Variants in PRUNE2 observed in about 807,000 individuals in gnomAD.
The protein encoded by PRUNE2 is prune homolog 2 with BCH domain.
PRUNE2 carries 164 observed loss-of-function variants against 252.0 expected under a neutral mutation model. The observed-to-expected ratio is 0.65, with a 90% CI of 0.57 to 0.74. The LOEUF (loss-of-function observed/expected upper bound fraction) is 0.74, where lower values mean the gene tolerates loss of function less well. Among genes scored for constraint, PRUNE2 ranks in the 30% least tolerant of loss-of-function variants. The pLI, the probability that PRUNE2 is intolerant of heterozygous loss-of-function variation, is 0.00. For synonymous variants in PRUNE2, 1,292 were observed against 1,350.2 expected (o/e 0.96, Z 0.94); for missense variants, 3,495 against 3,711.0 (o/e 0.94, Z 1.51).
At chr9:76,723,329 C>T (rs1415552756) in intron 6 of PRUNE2, among the ~76,000 whole-genome samples, 3 of 152,152 alleles carry the variant, frequency 2.0e-5, no homozygotes, top group African/African-American at 7.2e-5. Context: ...GCTCTGGTAG[C>T]TTAGACACAC....
chr9:76,823,454 T>C (rs2058151426), intron 6 of PRUNE2, 178 bp downstream of exon 6: 1 of 553,788 alleles, frequency 1.8e-6, no homozygotes, highest in Non-Finnish European at 3.3e-6. Flanking sequence ...GCATTTTTCA[T>C]TGACTTAGCA....
chr9:76,705,342 G>A lies in PRUNE2; in HGVS notation c.6932C>T (p.Thr2311Ile), dbSNP rs989230681. The A allele has an allele frequency of 1.2e-6, 2 of 1,614,044 alleles. No homozygotes were observed. The highest frequency in any genetic ancestry group is 1.7e-6 in the Non-Finnish European group (2 of 1,179,882). Residue 2311 changes from threonine to isoleucine, a missense_variant, in exon 8 of 19, where the codon ACA becomes ATA. Transcript: ENST00000376718. ...CATGTCATCTATTGTTCCCGTGGAT[G>A]TGTTGAGACCTGAGGCATCGCTGAA... ...HSFSDASGLN[T>I]STGTIDDMSK...
chr9:76,789,093 T>C (rs1469296899), intron 6 of PRUNE2, among the ~76,000 whole-genome samples: 1 of 152,228 alleles, frequency 6.6e-6, no homozygotes, highest in Non-Finnish European at 1.5e-5. Context: ...TAGATATGTT[T>C]ACATTTTTGT....
In PRUNE2 at chr9:76,809,140, C is replaced by T. The variant is rs2057181561; in HGVS notation, c.756+14492G>A. ...ACATTTAGTTTCAACATCATCTTCT[C>T]AAGGGAGCACTTTCTGATCTACCTC... On this transcript the variant is annotated intron_variant, in intron 6 of 18. Coordinates refer to ENST00000376718, the MANE Select transcript of PRUNE2 (RefSeq NM_015225.3). Among the ~76,000 whole-genome samples the T allele has an allele frequency of 2.0e-5, 3 of 152,168 alleles. No homozygotes were observed. In the South Asian group the frequency reaches 6.2e-4, roughly 32 times the overall value.
intron 1 of PRUNE2, among the ~76,000 whole-genome samples, chr9:76,866,811 G>A (rs750993595): frequency 1.8e-4 from 28 of 152,028 alleles, no homozygotes; most frequent in Non-Finnish European, 4.0e-4. Flanking sequence ...GAAGGAAGAG[G>A]AAGAGAGGGA....
At chr9:76,800,545 T>C (rs147186452) in intron 6 of PRUNE2, among the ~76,000 whole-genome samples, 1 of 152,382 alleles carries the variant, frequency 6.6e-6, no homozygotes, top group East Asian at 1.9e-4. Flanking sequence ...TTTCCAACTC[T>C]TCTTTTTCAC....
intron 9 of PRUNE2, among the ~76,000 whole-genome samples, chr9:76,697,307 G>GCT (rs1357210309): frequency 1.3e-5 from 2 of 152,138 alleles, no homozygotes; most frequent in Non-Finnish European, 2.9e-5. Context: ...GGCACTTGTG[G>GCT]CTCTCTCTGG....
chr9:76,841,786 C>T (rs1381405035), intron 4 of PRUNE2, among the ~76,000 whole-genome samples: 2 of 152,166 alleles, frequency 1.3e-5, no homozygotes, highest in Non-Finnish European at 2.9e-5. Context: ...CAAAGAAAGG[C>T]AGCAACCCCA....
At chr9:76,834,910 T>C (rs532548566) in intron 4 of PRUNE2, among the ~76,000 whole-genome samples, 1 of 152,164 alleles carries the variant, frequency 6.6e-6, no homozygotes, top group Non-Finnish European at 1.5e-5. Flanking sequence ...TCTCAGCAAA[T>C]TGAAACCTAT....
At chr9:76,800,176 T>A (rs899735056) in intron 6 of PRUNE2, among the ~76,000 whole-genome samples, 3 of 152,172 alleles carry the variant, frequency 2.0e-5, no homozygotes, top group Non-Finnish European at 2.9e-5. Context: ...CATTAGGTAT[T>A]TCTCCTAATG....
rs57638713 is a variant in PRUNE2, at chr9:76,712,548, T to A, written c.915+1015A>T. Reference sequence around the variant, plus strand: ...AACTCAAGAGCTTTTAACTCCTTCATCTGCTCTTCTACTTTTGTCTGTTTC... The same window carrying A: ...AACTCAAGAGCTTTTAACTCCTTCAACTGCTCTTCTACTTTTGTCTGTTTC... On this transcript the variant is annotated intron_variant, in intron 7 of 18. Coordinates refer to ENST00000376718, the MANE Select transcript of PRUNE2 (RefSeq NM_015225.3). Among the ~76,000 whole-genome samples, 494 of 152,352 alleles carry A rather than the reference T, an allele frequency of 3.2e-3. 2 individuals carry two copies. Among genetic ancestry groups the A allele is most frequent in the African/African-American group, 0.011 (474 of 41,578 alleles).
intron 1 of PRUNE2, among the ~76,000 whole-genome samples, chr9:76,856,784 C>T (rs191788738): frequency 1.4e-4 from 21 of 151,724 alleles, no homozygotes; most frequent in Admixed American, 1.2e-3. Flanking sequence ...GATGGAGTCT[C>T]GCTCTGTCAC....
At chr9:76,633,639 C>T (rs779693826) in intron 15 of PRUNE2, among the ~76,000 whole-genome samples, 20 of 151,792 alleles carry the variant, frequency 1.3e-4, no homozygotes, top group Non-Finnish European at 2.1e-4. Flanking sequence ...ATGTTTCCTA[C>T]GGCTGCTTTT....
intron 1 of PRUNE2, among the ~76,000 whole-genome samples, chr9:76,879,049 C>G (rs1214751891): frequency 6.6e-6 from 1 of 152,202 alleles, no homozygotes; most frequent in East Asian, 1.9e-4. Flanking sequence ...GTCAGGAAGC[C>G]TGTGCATAGG....
At chr9:76,888,232 T>C (rs555297247) in intron 1 of PRUNE2, among the ~76,000 whole-genome samples, 63 of 152,236 alleles carry the variant, frequency 4.1e-4, no homozygotes, top group African/African-American at 1.5e-3. Context: ...GGCCATCCAG[T>C]CACAAGGACT....
chr9:76,707,236 C>A lies in PRUNE2; in HGVS notation c.5038G>T (p.Val1680Phe). 5.0e-6 allele frequency: 8 copies of A among 1,613,944 alleles called. No homozygotes were observed. The highest frequency in any genetic ancestry group is 6.8e-6 in the Non-Finnish European group (8 of 1,179,880). Residue 1680 changes from valine to phenylalanine, a missense_variant, in exon 8 of 19, where the codon GTC becomes TTC. Coordinates refer to ENST00000376718, the MANE Select transcript of PRUNE2 (RefSeq NM_015225.3). ...TCAGAACCTGAGCTTGTTGAAATGA[C>A]CCTGGCATCCTCTGGCTGCACAGTT... ...SATVQPEDAR[V>F]ISTSSGSDDD...
At chr9:76,692,285 G>C in intron 9 of PRUNE2, 4 of 627,014 alleles carry the variant, frequency 6.4e-6, no homozygotes, top group Non-Finnish European at 8.6e-6. Context: ...AGCTGGGGCT[G>C]TGCTGAGTTT....
intron 6 of PRUNE2, among the ~76,000 whole-genome samples, chr9:76,721,496 T>A (rs1480508343): frequency 6.6e-6 from 1 of 152,198 alleles, no homozygotes; most frequent in African/African-American, 2.4e-5. Context: ...AATTCCCAGA[T>A]TTGTTATTTC....
At chr9:76,813,891 A>G (rs1337411887) in intron 6 of PRUNE2, among the ~76,000 whole-genome samples, 1 of 152,186 alleles carries the variant, frequency 6.6e-6, no homozygotes, top group East Asian at 1.9e-4. Flanking sequence ...ATCTTGGCTC[A>G]CAGCAACCTC....
Sources: allele counts gnomAD v4.1 joint callset (sites outside exome capture counted in the v4.1 genomes callset), GRCh38; gene constraint gnomAD v4.1.1; transcripts MANE v1.5; gene names NCBI Gene and HGNC (gene_info 2026-07-23, HGNC 2026-07-21).